Variants in ERGIC2 observed in about 807,000 individuals in gnomAD.
ERGIC2 encodes the protein endoplasmic reticulum-Golgi intermediate compartment protein 2.
A neutral mutation model predicts 52.5 loss-of-function variants in ERGIC2; 31 were observed. The ratio of observed to expected loss-of-function variants is 0.59; its 90% CI spans 0.44 to 0.80. ERGIC2 has a LOEUF of 0.80. ERGIC2 is among the 30% of genes least tolerant of loss of function. The probability of loss-of-function intolerance (pLI) is 0.00; values close to 1 mark genes in which losing one functional copy is unlikely to be tolerated. For synonymous variants in ERGIC2, 129 were observed against 140.6 expected (o/e 0.92, Z 0.58); for missense variants, 395 against 455.2 (o/e 0.87, Z 1.20).
At chr12:29,355,034 G>A (rs1940183359) in intron 8 of ERGIC2, among the ~76,000 whole-genome samples, 1 of 152,056 alleles carries the variant, frequency 6.6e-6, no homozygotes, top group African/African-American at 2.4e-5. Context: ...CTTTTTCATA[G>A]AAATCTAATG....
chr12:29,377,663 T>C (rs1219972542), intron 1 of ERGIC2, among the ~76,000 whole-genome samples: 2 of 152,156 alleles, frequency 1.3e-5, no homozygotes, highest in African/African-American at 4.8e-5. Context: ...GTGACTGTAT[T>C]TTGAAAAACT....
chr12:29,367,315 A>G (rs1327353904), intron 4 of ERGIC2, among the ~76,000 whole-genome samples: 1 of 151,846 alleles, frequency 6.6e-6, no homozygotes, highest in Non-Finnish European at 1.5e-5. Flanking sequence ...GCTGAACAAA[A>G]TATTAATTCC....
At chr12:29,349,656 CT>C (rs1412255849) in intron 9 of ERGIC2, among the ~76,000 whole-genome samples, 1 of 151,990 alleles carries the variant, frequency 6.6e-6, no homozygotes. Flanking sequence ...GAACTTAAGT[CT>C]TAAGACAATC....
intron 11 of ERGIC2, among the ~76,000 whole-genome samples, chr12:29,344,290 A>G (rs575647060): frequency 6.6e-6 from 1 of 152,302 alleles, no homozygotes; most frequent in African/African-American, 2.4e-5. Flanking sequence ...GCAATTGCTG[A>G]GTCAAAGGAT....
chr12:29,349,569 T>A (rs1940104253), intron 9 of ERGIC2, among the ~76,000 whole-genome samples: 1 of 152,050 alleles, frequency 6.6e-6, no homozygotes. Flanking sequence ...ATATTTTTAA[T>A]ACACTATTGC....
Position 29,354,417 on chromosome 12 carries a change from T to C in ERGIC2, c.572+1965A>G, listed in dbSNP as rs140044438. ...TTTGTAGCAATTATACACTTAAAAA[T>C]TCTACATATAAGTGGCAAGCATCTG... On this transcript the variant is annotated intron_variant, in intron 8 of 13. Coordinates refer to ENST00000360150, the MANE Select transcript of ERGIC2 (RefSeq NM_016570.3). Among the ~76,000 whole-genome samples the C allele has an allele frequency of 4.0e-4, 61 of 152,346 alleles. No homozygotes were observed. In the East Asian group the frequency reaches 7.3e-3, roughly 18 times the overall value.
At chr12:29,345,607 A>G (rs1400873145) in intron 10 of ERGIC2, 67 bp from the exon 11 acceptor site, 1 of 844,766 alleles carries the variant, frequency 1.2e-6, no homozygotes, top group Admixed American at 1.7e-5. Context: ...ATATTCTTCT[A>G]TTAAACACAT....
At chr12:29,356,142 C>T (rs1940200995) in intron 8 of ERGIC2, among the ~76,000 whole-genome samples, 2 of 152,146 alleles carry the variant, frequency 1.3e-5, no homozygotes, top group South Asian at 4.1e-4. Flanking sequence ...CTGCCTCAGC[C>T]CCTCGAGTAT....
intron 5 of ERGIC2, among the ~76,000 whole-genome samples, chr12:29,366,377 T>C (rs993726028): frequency 7.9e-5 from 12 of 151,862 alleles, no homozygotes; most frequent in Admixed American, 7.2e-4. Flanking sequence ...CTGAGGGAAA[T>C]AGAGGCGTAA....
chr12:29,363,792 G>GT (rs1940317805), intron 5 of ERGIC2, among the ~76,000 whole-genome samples: 1 of 148,170 alleles, frequency 6.7e-6, no homozygotes, highest in Admixed American at 6.8e-5. Flanking sequence ...GATAAGAGAT[G>GT]TAGGGGGAAA....
intron 8 of ERGIC2, among the ~76,000 whole-genome samples, chr12:29,354,727 T>A (rs1435907034): frequency 6.6e-6 from 1 of 152,166 alleles, no homozygotes; most frequent in Non-Finnish European, 1.5e-5. Context: ...GGAAGGAAAG[T>A]GAAATTGTGA....
At chr12:29,350,398 T>C (rs1467668811) in intron 8 of ERGIC2, among the ~76,000 whole-genome samples, 2 of 151,860 alleles carry the variant, frequency 1.3e-5, no homozygotes, top group Non-Finnish European at 2.9e-5. Flanking sequence ...TAATGAGTCC[T>C]TTTTTTTGTA....
At chr12:29,357,029 G>A (rs1302349051) in intron 7 of ERGIC2, among the ~76,000 whole-genome samples, 3 of 138,986 alleles carry the variant, frequency 2.2e-5, no homozygotes, top group South Asian at 2.3e-4. Context: ...GTGTAGTGGT[G>A]CAATCTTGGC....
chr12:29,367,002 C>A, intron 4 of ERGIC2, 55 bp from the exon 5 acceptor site: 1 of 1,087,254 alleles, frequency 9.2e-7, no homozygotes, highest in African/African-American at 1.6e-5. Context: ...GGCAAACCAT[C>A]CCCAATATAA....
In ERGIC2 at chr12:29,357,670, C is replaced by T; in HGVS notation, c.429G>A (p.Val143=). Reference sequence around the variant, plus strand: ...TACTTTTAAAAGCACTTTTAAATATCACATCTTGAAGTGAATGCTCTTCTT... The same window carrying T: ...TACTTTTAAAAGCACTTTTAAATATTACATCTTGAAGTGAATGCTCTTCTT... ...RLQEEHSLQD[V]IFKSAFKSTS... The change falls in exon 7 of 14, where the codon GTG becomes GTA. Residue 143 remains valine (V), a synonymous_variant. Transcript: ENST00000360150. 1 of 1,609,322 alleles carries T rather than the reference C, an allele frequency of 6.2e-7. No homozygotes were observed. The highest frequency in any genetic ancestry group is 8.5e-7 in the Non-Finnish European group (1 of 1,176,210).
chr12:29,341,953 A>G, intron 12 of ERGIC2, 137 bp from the exon 13 acceptor site: 1 of 519,990 alleles, frequency 1.9e-6, no homozygotes, highest in Non-Finnish European at 3.5e-6. Flanking sequence ...AATAATCAAG[A>G]AAGATTTTAA....
At chr12:29,380,872 G>T (rs1225078807) in intron 1 of ERGIC2, 1 of 152,230 alleles carries the variant, frequency 6.6e-6, no homozygotes, top group Non-Finnish European at 1.5e-5. Flanking sequence ...CGAGTTGCAG[G>T]ATAGCACACA....
intron 5 of ERGIC2, 84 bp downstream of exon 5, chr12:29,366,793 G>C (rs761968789): frequency 8.6e-6 from 6 of 696,726 alleles, no homozygotes; most frequent in Non-Finnish European, 1.4e-5. Flanking sequence ...AACTATTTCA[G>C]ACAAAACTAA....
At chr12:29,341,640 T>C (rs1341115956) in intron 13 of ERGIC2, 94 bp downstream of exon 13, 8 of 707,602 alleles carry the variant, frequency 1.1e-5, no homozygotes, top group Non-Finnish European at 2.0e-5. Flanking sequence ...CCCAAAGTCT[T>C]GGGATTACAG....
Sources: allele counts gnomAD v4.1 joint callset (sites outside exome capture counted in the v4.1 genomes callset), GRCh38; gene constraint gnomAD v4.1.1; transcripts MANE v1.5; gene names NCBI Gene and HGNC (gene_info 2026-07-23, HGNC 2026-07-21).